The following TMEM238L variants were observed in gnomAD, a reference collection of about 807,000 sequenced individuals.
TMEM238L encodes transmembrane protein 238 like, also known as transmembrane protein 238-like.
chr17:10,801,135 C>T (rs1337904334), intron 1 of TMEM238L, among the ~76,000 whole-genome samples: 2 of 151,832 alleles, frequency 1.3e-5, no homozygotes, highest in African/African-American at 4.8e-5. Flanking sequence ...ACTGCAAGCT[C>T]CGCCTCCCGG....
At chr17:10,802,200 GACCCC>G (rs1904766032) in intron 1 of TMEM238L, among the ~76,000 whole-genome samples, 1 of 152,106 alleles carries the variant, frequency 6.6e-6, no homozygotes, top group African/African-American at 2.4e-5. Flanking sequence ...AGTGTGAGTT[GACCCC>G]CATCACTACC....
At chr17:10,797,486 T>G (rs2151521674) in intron 1 of TMEM238L, among the ~76,000 whole-genome samples, 1 of 148,472 alleles carries the variant, frequency 6.7e-6, no homozygotes, top group South Asian at 2.2e-4. Flanking sequence ...TCCACATGTC[T>G]CTAACCCCTA....
At chr17:10,803,903 G>A in exon 1 of TMEM238L, 1 of 399,648 alleles carries the variant, frequency 2.5e-6, no homozygotes. Context: ...AGGAGGGCGA[G>A]GATGAGGAAG....
At chr17:10,801,925 G>A (rs1310283695) in intron 1 of TMEM238L, among the ~76,000 whole-genome samples, 1 of 152,146 alleles carries the variant, frequency 6.6e-6, no homozygotes, top group Non-Finnish European at 1.5e-5. Context: ...GGGATTACAG[G>A]TGTGCATCAC....
At chr17:10,798,200 G>A (rs1904620087) in intron 1 of TMEM238L, among the ~76,000 whole-genome samples, 3 of 152,076 alleles carry the variant, frequency 2.0e-5, no homozygotes, top group Middle Eastern at 3.4e-3. Context: ...CACACAGCAC[G>A]CTTCCCCCAG....
At chr17:10,798,640 TGGTA>T (rs1221503923) in intron 1 of TMEM238L, among the ~76,000 whole-genome samples, 2 of 151,562 alleles carry the variant, frequency 1.3e-5, no homozygotes, top group African/African-American at 4.9e-5. Context: ...GGTGTGTGTT[TGGTA>T]GGTGTGAGTG....
intron 1 of TMEM238L, among the ~76,000 whole-genome samples, chr17:10,797,234 T>C (rs1003642744): frequency 6.6e-6 from 1 of 152,172 alleles, no homozygotes; most frequent in African/African-American, 2.4e-5. Context: ...GGAATAATAA[T>C]GATTATGATG....
intron 1 of TMEM238L, among the ~76,000 whole-genome samples, chr17:10,797,638 C>G (rs753982201): frequency 9.9e-5 from 15 of 152,136 alleles, no homozygotes; most frequent in Non-Finnish European, 2.2e-4. Flanking sequence ...CAAACTCATG[C>G]CTTTTTCTGA....
intron 1 of TMEM238L, among the ~76,000 whole-genome samples, chr17:10,797,516 A>T (rs1904600316): frequency 6.6e-6 from 1 of 151,104 alleles, no homozygotes; most frequent in South Asian, 2.1e-4. Flanking sequence ...TCCACATCTG[A>T]TCTTTCTTCT....
intron 1 of TMEM238L, among the ~76,000 whole-genome samples, chr17:10,803,169 A>G (rs1377308370): frequency 2.0e-5 from 3 of 151,844 alleles, no homozygotes; most frequent in Admixed American, 6.6e-5. Context: ...CCCAGTTCAC[A>G]CCCCTTCATG....
exon 1 of TMEM238L, chr17:10,803,997 T>C: frequency 5.0e-6 from 2 of 399,366 alleles, no homozygotes; most frequent in East Asian, 7.1e-5. Flanking sequence ...CCAGCTGCAC[T>C]CCCGGGGGTG....
chr17:10,801,700 T>C (rs1462642983), intron 1 of TMEM238L, among the ~76,000 whole-genome samples: 2 of 152,172 alleles, frequency 1.3e-5, no homozygotes, highest in Non-Finnish European at 2.9e-5. Flanking sequence ...TATTGTACTT[T>C]TGTAAGTGTG....
chr17:10,797,968 G>T (rs1904613695), intron 1 of TMEM238L: 1 of 152,124 alleles, frequency 6.6e-6, no homozygotes, highest in Non-Finnish European at 1.5e-5. Flanking sequence ...CCTAGTGTCA[G>T]ACTCCTCACC....
intron 1 of TMEM238L, among the ~76,000 whole-genome samples, chr17:10,799,094 C>T (rs924712977): frequency 6.6e-6 from 1 of 152,218 alleles, no homozygotes; most frequent in African/African-American, 2.4e-5. Context: ...AGGCTGTGGG[C>T]AGAAGGCTTG....
At chr17:10,803,481 A>G (rs1810494652) in intron 1 of TMEM238L, 125 bp downstream of exon 1, 1 of 343,674 alleles carries the variant, frequency 2.9e-6, no homozygotes, top group Non-Finnish European at 5.2e-6. Flanking sequence ...GGCCAGGGCC[A>G]CAGGATCCCC....
exon 2 of TMEM238L, chr17:10,795,462 G>A (rs1489845143): frequency 1.3e-5 from 2 of 152,262 alleles, no homozygotes; most frequent in Non-Finnish European, 2.9e-5. Flanking sequence ...ACTGGTCAGT[G>A]TCAAAGGGTA....
chr17:10,795,902 A>C (rs1448877376), exon 2 of TMEM238L: 2 of 152,246 alleles, frequency 1.3e-5, no homozygotes, highest in Non-Finnish European at 2.9e-5. Context: ...GGTGTTCTGT[A>C]AAGGAAGGGC....
chr17:10,798,748 C>T (rs559559057), intron 1 of TMEM238L, among the ~76,000 whole-genome samples: 3 of 151,104 alleles, frequency 2.0e-5, no homozygotes, highest in South Asian at 4.2e-4. Flanking sequence ...TGCATGAACA[C>T]GTGGAGTAGA....
chr17:10,800,906 G>C (rs1377337678), intron 1 of TMEM238L, among the ~76,000 whole-genome samples: 1 of 152,160 alleles, frequency 6.6e-6, no homozygotes, highest in Non-Finnish European at 1.5e-5. Flanking sequence ...TTGGGTACTT[G>C]TCTTGGCTCC....
Sources: gnomAD v4.1 joint callset for allele counts (sites outside exome capture counted in the v4.1 genomes callset) on GRCh38, gnomAD v4.1.1 for gene constraint, MANE v1.5 for transcripts, NCBI Gene and HGNC (gene_info 2026-07-23, HGNC 2026-07-21) for gene names.